Variants in SOCS7 observed in about 807,000 individuals in gnomAD.
The protein encoded by SOCS7 is suppressor of cytokine signaling 7, also known as NAP-4.
A neutral mutation model predicts 58.9 loss-of-function variants in SOCS7; 18 were observed. That is an observed-to-expected ratio of 0.31 (90% confidence interval 0.21 to 0.45). The LOEUF (loss-of-function observed/expected upper bound fraction) is 0.45. Among genes scored for constraint, SOCS7 ranks in the 20% least tolerant of loss-of-function variants. The probability of loss-of-function intolerance (pLI) is 1.00; values close to 1 mark genes in which losing one functional copy is unlikely to be tolerated. For synonymous variants in SOCS7, 388 were observed against 364.3 expected, an observed-to-expected ratio of 1.06 and a Z score of -0.74; for missense variants, 667 against 837.3, an observed-to-expected ratio of 0.80 and a Z score of 2.51.
At chr17:38,393,856 C>T (rs563171913) in intron 7 of SOCS7, among the ~76,000 whole-genome samples, 8 of 152,130 alleles carry the variant, frequency 5.3e-5, no homozygotes, top group East Asian at 1.9e-4. Flanking sequence ...GCCGAGATCG[C>T]GCCACTGCAC....
intron 1 of SOCS7, among the ~76,000 whole-genome samples, chr17:38,359,467 A>G (rs2037685947): frequency 6.6e-6 from 1 of 152,190 alleles, no homozygotes; most frequent in Admixed American, 6.5e-5. Flanking sequence ...ATGGTTTTAG[A>G]ATTTTGTTTG....
At position 38,403,690 on chromosome 17, in the gene SOCS7, A is replaced by ACCTGGCATTTG. The variant is rs2038353117; in HGVS notation, c.*4209_*4219dup. ...TTAAGAGCATCTCCACTGGGCGGAG[A>ACCTGGCATTTG]CCTGGCATTTGTTTTCCACTGTTAA... On this transcript the variant is annotated 3_prime_UTR_variant, in exon 10 of 10. Coordinates refer to ENST00000612932, the MANE Select transcript of SOCS7 (RefSeq NM_014598.4). The ACCTGGCATTTG allele has an allele frequency of 6.6e-6, 1 of 152,018 alleles. No individual in the cohort carries two copies. The highest frequency in any genetic ancestry group is 2.4e-5 in the African/African-American group (1 of 41,356). 9.4% of individuals were successfully genotyped at this position (152,018 alleles called of 1,614,324 possible). A position where few individuals can be genotyped will look rare whatever the true frequency, so the allele number is the denominator to read the frequency against.
chr17:38,358,286 A>G (rs1409304220), intron 1 of SOCS7, among the ~76,000 whole-genome samples: 2 of 152,242 alleles, frequency 1.3e-5, no homozygotes, highest in East Asian at 3.8e-4. Flanking sequence ...AATGTAGTAT[A>G]GAGGGTTAGT....
At chr17:38,357,839 A>G (rs901164843) in intron 1 of SOCS7, among the ~76,000 whole-genome samples, 1 of 152,220 alleles carries the variant, frequency 6.6e-6, no homozygotes, top group African/African-American at 2.4e-5. Context: ...TATGGGCAAG[A>G]TAGGTTATTA....
At position 38,396,006 on chromosome 17, in the gene SOCS7, C is replaced by A; in HGVS notation, c.*30+8C>A. 1 of 1,560,590 alleles carries A rather than the reference C, an allele frequency of 6.4e-7. No individual in the cohort carries two copies. The highest frequency in any genetic ancestry group is 8.6e-7 in the Non-Finnish European group (1 of 1,162,716). On this transcript the variant is annotated splice_region_variant and intron_variant, in intron 9 of 9. Coordinates refer to ENST00000612932, the MANE Select transcript of SOCS7 (RefSeq NM_014598.4). Reference sequence around the variant, plus strand: ...TGCTGGTCACCACCAAGGGTATGAGCTCTCTGCCTCACTGCCCAGCCACAT... The same window carrying A: ...TGCTGGTCACCACCAAGGGTATGAGATCTCTGCCTCACTGCCCAGCCACAT...
intron 7 of SOCS7, among the ~76,000 whole-genome samples, chr17:38,386,619 A>G (rs1265709083): frequency 6.6e-6 from 1 of 152,152 alleles, no homozygotes; most frequent in African/African-American, 2.4e-5. Flanking sequence ...CTCTAATTTT[A>G]TCACTTTTTA....
intron 7 of SOCS7, among the ~76,000 whole-genome samples, chr17:38,378,325 C>T (rs2037957854): frequency 6.6e-6 from 1 of 151,950 alleles, no homozygotes; most frequent in South Asian, 2.1e-4. Flanking sequence ...ATTGCTTGAT[C>T]CCAGGAATTT....
At chr17:38,367,051 TTTG>T (rs145041768) in intron 5 of SOCS7, among the ~76,000 whole-genome samples, 6,126 of 152,174 alleles carry the variant, frequency 0.04, 394 homozygotes, top group African/African-American at 0.14. Context: ...TTCTTTGTTT[TTTG>T]TTGTTGTTGT....
chr17:38,380,893 A>G (rs2037992432), intron 7 of SOCS7, among the ~76,000 whole-genome samples: 1 of 152,056 alleles, frequency 6.6e-6, no homozygotes, highest in African/African-American at 2.4e-5. Flanking sequence ...TAAAAATAAA[A>G]TAATACATGA....
chr17:38,352,162 C>T lies in SOCS7; in HGVS notation c.110C>T (p.Pro37Leu). The T allele has an allele frequency of 2.4e-6, 3 of 1,227,976 alleles. No individual in the cohort carries two copies. The highest frequency in any genetic ancestry group is 3.3e-5 in the South Asian group (1 of 30,488). 76.1% of individuals were successfully genotyped at this position (1,227,976 alleles called of 1,614,324 possible). A position where few individuals can be genotyped will look rare whatever the true frequency, so the allele number is the denominator to read the frequency against. The change falls in exon 1 of 10, where the codon CCG becomes CTG. Residue 37 changes from proline (P) to leucine (L), a missense_variant. Pro to Leu is a moderately conservative substitution (Grantham distance 98, BLOSUM62 -3). Transcript: ENST00000612932. The surrounding 1 kb of genome is among the most constrained non-coding windows in gnomAD (Gnocchi z 5.5). ...YGEAAPEPGP[P>L]PPPPGHGPPP... ...GAGGCGGCCCCCGAGCCAGGCCCTCCGCCACCGCCCCCGGGCCATGGCCCC... is the reference window on the plus strand; with the variant it reads ...GAGGCGGCCCCCGAGCCAGGCCCTCTGCCACCGCCCCCGGGCCATGGCCCC...
intron 1 of SOCS7, among the ~76,000 whole-genome samples, chr17:38,357,592 A>G (rs1483421353): frequency 1.3e-5 from 2 of 152,222 alleles, no homozygotes; most frequent in African/African-American, 4.8e-5. Flanking sequence ...ACCTTGCTGC[A>G]CAGATGTCTG....
intron 6 of SOCS7, among the ~76,000 whole-genome samples, chr17:38,371,754 G>GTTTTTTTTT (rs770296566): frequency 5.5e-5 from 4 of 72,196 alleles, no homozygotes; most frequent in African/African-American, 2.2e-4. Context: ...GCCCTTTTGT[G>GTTTTTTTTT]TTTTTTTTTT....
At chr17:38,379,690 G>A (rs1198545867) in intron 7 of SOCS7, among the ~76,000 whole-genome samples, 1 of 152,010 alleles carries the variant, frequency 6.6e-6, no homozygotes, top group African/African-American at 2.4e-5. Flanking sequence ...ATGACAGGGT[G>A]TGAACTGTAT....
chr17:38,376,239 T>A (rs1476457543), intron 6 of SOCS7, among the ~76,000 whole-genome samples: 2 of 152,130 alleles, frequency 1.3e-5, no homozygotes, highest in Non-Finnish European at 2.9e-5. Context: ...AGAACAACCC[T>A]GGACAGAACA....
At chr17:38,389,897 A>ATGTACATATATATATATATG (rs1555571091) in intron 7 of SOCS7, among the ~76,000 whole-genome samples, 22 of 77,366 alleles carry the variant, frequency 2.8e-4, no homozygotes, top group East Asian at 8.7e-4. Context: ...ATATATATAT[A>ATGTACATATATATATATATG]TACACATATA....
chr17:38,355,282 T>TAA (rs1555566692), intron 1 of SOCS7, among the ~76,000 whole-genome samples: 1 of 152,218 alleles, frequency 6.6e-6, no homozygotes, highest in Non-Finnish European at 1.5e-5. Flanking sequence ...GTTCCTGTCC[T>TAA]TATAAGAGTA....
At chr17:38,356,231 C>T (rs2037635587) in intron 1 of SOCS7, among the ~76,000 whole-genome samples, 1 of 151,180 alleles carries the variant, frequency 6.6e-6, no homozygotes, top group Non-Finnish European at 1.5e-5. Context: ...GAAATGGGCC[C>T]ACCAGTTGGG....
chr17:38,374,154 A>T (rs192434721), intron 6 of SOCS7, among the ~76,000 whole-genome samples: 1 of 152,354 alleles, frequency 6.6e-6, no homozygotes, highest in Non-Finnish European at 1.5e-5. Flanking sequence ...TGGGAGGTGG[A>T]GGTTACAGTG....
chr17:38,354,810 G>A (rs746851304), intron 1 of SOCS7, among the ~76,000 whole-genome samples: 2 of 152,150 alleles, frequency 1.3e-5, no homozygotes, highest in African/African-American at 4.8e-5. Flanking sequence ...CCAGGAGTTC[G>A]TCTGAGATTC....
Sources: gnomAD v4.1 joint callset for allele counts (sites outside exome capture counted in the v4.1 genomes callset) on GRCh38, gnomAD v4.1.1 for gene constraint, Gnocchi (gnomAD v3.1) non-coding constraint, MANE v1.5 for transcripts, NCBI Gene and HGNC (gene_info 2026-07-23, HGNC 2026-07-21) for gene names.